The following TFEB variants were observed in gnomAD, a reference collection of about 807,000 sequenced individuals.
TFEB encodes T-cell transcription factor EB.
Under a neutral mutation model 48.0 loss-of-function variants are expected in TFEB, and 12 were observed. That is an observed-to-expected ratio of 0.25 (90% CI 0.16 to 0.40). The LOEUF is 0.40. TFEB is among the 10% of genes least tolerant of loss of function. TFEB has a pLI of 1.00. For missense variants in TFEB, 509 were observed against 640.3 expected (o/e 0.79, Z 2.21); for synonymous variants, 244 against 261.4 (o/e 0.93, Z 0.64).
intron 1 of TFEB, among the ~76,000 whole-genome samples, chr6:41,731,486 C>T (rs1053724653): frequency 1.7e-4 from 26 of 152,222 alleles, no homozygotes; most frequent in Admixed American, 5.2e-4. Flanking sequence ...CCCACCACCC[C>T]TTGCTTTCTC....
chr6:41,733,823 A>G, intron 1 of TFEB: 2 of 985,474 alleles, frequency 2.0e-6, no homozygotes, highest in South Asian at 9.4e-5. Flanking sequence ...TGGCACCAAG[A>G]ACTGCGTTCT....
At chr6:41,716,222 A>G (rs1422287597) in intron 1 of TFEB, among the ~76,000 whole-genome samples, 1 of 152,218 alleles carries the variant, frequency 6.6e-6, no homozygotes, top group Non-Finnish European at 1.5e-5. Context: ...AAGTTTACAC[A>G]GCTAGGAAAG....
At chr6:41,728,581 GCA>G (rs987049852) in intron 1 of TFEB, among the ~76,000 whole-genome samples, 17 of 152,142 alleles carry the variant, frequency 1.1e-4, no homozygotes, top group Non-Finnish European at 1.8e-4. Flanking sequence ...TGTCCTCAAA[GCA>G]ATTATAAACA....
At position 41,703,758 on chromosome 6, in the gene TFEB, G is replaced by A. The variant is rs112178482; in HGVS notation, c.-22-12523C>T. 1.8e-3 allele frequency among the ~76,000 whole-genome samples: 270 copies of A among 152,344 alleles called. 2 individuals are homozygous for A. The highest frequency in any genetic ancestry group is 6.3e-3 in the African/African-American group (260 of 41,578). On this transcript the variant is annotated intron_variant, in intron 1 of 8. Coordinates refer to ENST00000373033, the MANE Select transcript of TFEB (RefSeq NM_001271944.2). Reference sequence around the variant, plus strand: ...CATTAGTACTATGCACACTGAGTGCGTACTCTGCACCAGGCACTGTTCTGC... The same window carrying A: ...CATTAGTACTATGCACACTGAGTGCATACTCTGCACCAGGCACTGTTCTGC...
chr6:41,698,579 G>T (rs991576503), intron 1 of TFEB, among the ~76,000 whole-genome samples: 1 of 152,190 alleles, frequency 6.6e-6, no homozygotes, highest in Non-Finnish European at 1.5e-5. Context: ...AGGCTGGGAG[G>T]CCTGTTTAAG....
intron 1 of TFEB, among the ~76,000 whole-genome samples, chr6:41,707,288 G>A (rs1051887924): frequency 1.3e-5 from 2 of 152,182 alleles, no homozygotes; most frequent in Non-Finnish European, 2.9e-5. Context: ...TGATAGACTC[G>A]GGCTGCCATG....
At chr6:41,696,763 G>A (rs9462738) in intron 1 of TFEB, among the ~76,000 whole-genome samples, 1 of 152,046 alleles carries the variant, frequency 6.6e-6, no homozygotes, top group Non-Finnish European at 1.5e-5. Context: ...ACAAAGCAAT[G>A]ACAGCAAATG....
chr6:41,708,008 C>T (rs1770315758), intron 1 of TFEB, among the ~76,000 whole-genome samples: 1 of 152,218 alleles, frequency 6.6e-6, no homozygotes, highest in African/African-American at 2.4e-5. Context: ...GCGCTCAGCA[C>T]GTCTGTACCT....
chr6:41,688,555 G>A (rs1012668736), intron 4 of TFEB, among the ~76,000 whole-genome samples: 4 of 152,062 alleles, frequency 2.6e-5, no homozygotes, highest in Non-Finnish European at 5.9e-5. Flanking sequence ...CAAAGATACT[G>A]GAATTTTGGA....
At chr6:41,733,662 A>G (rs1047114257) in intron 1 of TFEB, 21 of 985,246 alleles carry the variant, frequency 2.1e-5, no homozygotes, top group Non-Finnish European at 2.5e-5. Context: ...GTGAAAGCAT[A>G]CCGTCAGGTT....
In TFEB at chr6:41,684,787, CGG is replaced by C. The variant is rs1459990027; in HGVS notation, c.1241_1242del (p.Pro414ArgfsTer34). 1 of 1,607,088 alleles carries C rather than the reference CGG, an allele frequency of 6.2e-7. No homozygotes were observed. The highest frequency in any genetic ancestry group is 8.5e-7 in the Non-Finnish European group (1 of 1,176,806). ...GREDEGPPGY[P>X]EPLAPGHGSP... The stretch of plus-strand genomic sequence containing the variant: ...GAGCCATGCCCCGGCGCCAGGGGTT[CGG>C]GGTAGCCCGGGGGACCCTCGTCCTC... On this transcript the variant is annotated frameshift_variant, in exon 9 of 9. Transcript: ENST00000373033. LOFTEE classifies it high-confidence loss of function.
intron 1 of TFEB, among the ~76,000 whole-genome samples, chr6:41,717,290 T>C (rs1770780149): frequency 1.3e-5 from 2 of 151,912 alleles, no homozygotes; most frequent in African/African-American, 4.8e-5. Context: ...GGGGAGGGGA[T>C]CAGAACTTTA....
Position 41,723,666 on chromosome 6 carries a change from C to T in TFEB, c.-23+11684G>A. ...GAGCTGCAAATGCGGCCGAGGATTA[C>T]TCACAGCACAGAGGGAACTGCGCCC... On this transcript the variant is annotated intron_variant, in intron 1 of 8. Transcript: ENST00000373033. The surrounding 1 kb of genome is among the most constrained non-coding windows in gnomAD (Gnocchi z 6.0). 3.1e-6 allele frequency: 2 copies of T among 638,414 alleles called. No homozygotes were observed. Among genetic ancestry groups the T allele is most frequent in the Non-Finnish European group, 4.6e-6 (2 of 431,484 alleles). 39.5% of individuals were successfully genotyped at this position (638,414 alleles called of 1,614,324 possible).
intron 1 of TFEB, among the ~76,000 whole-genome samples, chr6:41,711,833 G>A (rs1276886909): frequency 1.3e-5 from 2 of 152,230 alleles, no homozygotes; most frequent in Non-Finnish European, 2.9e-5. Flanking sequence ...CTGCGGCAGA[G>A]GCAGGGCCCT....
intron 3 of TFEB, 104 bp downstream of exon 3, chr6:41,690,559 C>T (rs1769247893): frequency 2.2e-6 from 3 of 1,344,996 alleles, no homozygotes; most frequent in Non-Finnish European, 2.9e-6. Flanking sequence ...ACTGAGTCTC[C>T]CTGAAGGCAC....
At chr6:41,703,758 G>C (rs112178482) in intron 1 of TFEB, among the ~76,000 whole-genome samples, 1 of 152,226 alleles carries the variant, frequency 6.6e-6, no homozygotes, top group East Asian at 1.9e-4. Flanking sequence ...CACTGAGTGC[G>C]TACTCTGCAC....
chr6:41,710,172 C>G (rs916042052), intron 1 of TFEB, among the ~76,000 whole-genome samples: 47 of 152,236 alleles, frequency 3.1e-4, no homozygotes, highest in Non-Finnish European at 5.9e-4. Context: ...TAAGATCCTT[C>G]TAATGGGCCT....
At chr6:41,697,657 G>A (rs1274074136) in intron 1 of TFEB, among the ~76,000 whole-genome samples, 1 of 152,100 alleles carries the variant, frequency 6.6e-6, no homozygotes, top group Non-Finnish European at 1.5e-5. Context: ...ACCAGTCCAA[G>A]GAAGTAATCA....
At chr6:41,707,596 T>C (rs1290949088) in intron 1 of TFEB, among the ~76,000 whole-genome samples, 1 of 152,152 alleles carries the variant, frequency 6.6e-6, no homozygotes, top group Non-Finnish European at 1.5e-5. Flanking sequence ...CTTCCCTCTT[T>C]TAATTCTTCC....
Sources: allele counts gnomAD v4.1 joint callset (sites outside exome capture counted in the v4.1 genomes callset), GRCh38; gene constraint gnomAD v4.1.1; non-coding constraint Gnocchi (gnomAD v3.1); transcripts MANE v1.5; gene names NCBI Gene and HGNC (gene_info 2026-07-23, HGNC 2026-07-21).